The following NEK11 variants were observed in gnomAD, a reference collection of about 807,000 sequenced individuals.
The protein encoded by NEK11 is NIMA related kinase 11.
In NEK11, 72 loss-of-function variants were observed where a neutral mutation model predicts 80.7. The ratio of observed to expected loss-of-function variants is 0.89; its 90% CI spans 0.74 to 1.08. NEK11 has a LOEUF of 1.08. Ranked by LOEUF, NEK11 falls within the 50% of genes least tolerant of loss-of-function variation. NEK11 has a pLI of 0.00. For missense variants in NEK11, 764 were observed against 763.6 expected (o/e 1.00, Z -0.01); for synonymous variants, 251 against 260.7 (o/e 0.96, Z 0.36).
chr3:131,284,920 A>G (rs1266106653), intron 17 of NEK11, among the ~76,000 whole-genome samples: 1 of 152,138 alleles, frequency 6.6e-6, no homozygotes, highest in African/African-American at 2.4e-5. Flanking sequence ...CAGATGGCCT[A>G]TTGTGGAACT....
At chr3:131,318,341 GTTAA>G (rs59509323) in intron 17 of NEK11, among the ~76,000 whole-genome samples, 93 of 152,240 alleles carry the variant, frequency 6.1e-4, no homozygotes, top group African/African-American at 2.1e-3. Context: ...AGAAGAGAAT[GTTAA>G]TTAGTGTGAT....
chr3:131,333,299 T>C (rs1303732406), intron 17 of NEK11, among the ~76,000 whole-genome samples: 1 of 151,772 alleles, frequency 6.6e-6, no homozygotes, highest in East Asian at 1.9e-4. Context: ...CAGAAGAGAG[T>C]GGGGGCCAAT....
intron 7 of NEK11, among the ~76,000 whole-genome samples, chr3:131,144,805 G>A (rs187814482): frequency 1.9e-3 from 289 of 152,218 alleles, no homozygotes; most frequent in Middle Eastern, 6.8e-3. Context: ...GATAAATGAA[G>A]TCTTCTCTAC....
intron 17 of NEK11, among the ~76,000 whole-genome samples, chr3:131,314,855 CATT>C (rs1456729342): frequency 2.0e-4 from 30 of 152,324 alleles, no homozygotes; most frequent in African/African-American, 6.5e-4. Flanking sequence ...ATTATTCACT[CATT>C]ATTCAATGCC....
chr3:131,079,161 A>G (rs957206601), intron 3 of NEK11, among the ~76,000 whole-genome samples: 6 of 152,198 alleles, frequency 3.9e-5, no homozygotes, highest in Admixed American at 6.5e-5. Flanking sequence ...TAAATTTACA[A>G]TGATGAGCAT....
At chr3:131,122,255 A>G (rs2082511921) in intron 5 of NEK11, among the ~76,000 whole-genome samples, 1 of 152,138 alleles carries the variant, frequency 6.6e-6, no homozygotes, top group Admixed American at 6.5e-5. Flanking sequence ...CCAGATTTGA[A>G]GGTGGAAAAG....
chr3:131,156,947 C>CAA (rs749067690), intron 10 of NEK11, among the ~76,000 whole-genome samples: 20 of 108,130 alleles, frequency 1.8e-4, no homozygotes, highest in African/African-American at 4.4e-4. Context: ...GAGCATTCCA[C>CAA]AAAAAAAAAA....
intron 3 of NEK11, among the ~76,000 whole-genome samples, chr3:131,051,454 G>A (rs1440242607): frequency 6.6e-6 from 1 of 152,186 alleles, no homozygotes; most frequent in African/African-American, 2.4e-5. Flanking sequence ...ATCCCAAACT[G>A]TCAAACAAGT....
In NEK11 at chr3:131,240,845, T is replaced by A. The variant is rs574829938; in HGVS notation, c.1561-2591T>A. Among the ~76,000 whole-genome samples, 140 of 152,210 alleles carry A rather than the reference T, an allele frequency of 9.2e-4. 1 individual carries two copies. In the South Asian group the frequency reaches 0.018, roughly 20 times the overall value. The stretch of plus-strand genomic sequence containing the variant: ...CATCTGGATTATTTTGTCAAACAAC[T>A]GCCTGATAACTAAATGAAGATCTAC... On this transcript the variant is annotated intron_variant, in intron 15 of 17. Transcript: ENST00000383366.
chr3:131,230,673 C>T (rs904677635), intron 15 of NEK11, among the ~76,000 whole-genome samples: 2 of 152,038 alleles, frequency 1.3e-5, no homozygotes, highest in African/African-American at 4.8e-5. Context: ...AACATAAGGG[C>T]AGCAGTTTTG....
At chr3:131,282,632 C>T (rs548799132) in intron 17 of NEK11, among the ~76,000 whole-genome samples, 29 of 151,222 alleles carry the variant, frequency 1.9e-4, no homozygotes, top group African/African-American at 5.9e-4. Context: ...TGAGGTCAGA[C>T]CTCATAACTG....
At chr3:131,068,265 C>T (rs757955865) in intron 3 of NEK11, among the ~76,000 whole-genome samples, 9 of 152,162 alleles carry the variant, frequency 5.9e-5, no homozygotes, top group Non-Finnish European at 1.2e-4. Flanking sequence ...GGACAAGCAG[C>T]TGCAGCCATC....
chr3:131,168,458 G>T (rs1260452553), intron 12 of NEK11, among the ~76,000 whole-genome samples: 2 of 149,486 alleles, frequency 1.3e-5, no homozygotes, highest in Non-Finnish European at 3.0e-5. Flanking sequence ...CCGGGTTCAC[G>T]CCATTCTCCT....
chr3:131,184,198 G>A (rs1020050949), intron 14 of NEK11, among the ~76,000 whole-genome samples: 2 of 152,208 alleles, frequency 1.3e-5, no homozygotes, highest in African/African-American at 4.8e-5. Flanking sequence ...AGTACTCACA[G>A]TATAGGAATG....
In NEK11 at chr3:131,284,934, C is replaced by T. The variant is rs2096452646; in HGVS notation, c.1718+11360C>T. 3.3e-5 allele frequency among the ~76,000 whole-genome samples: 5 copies of T among 152,316 alleles called. No homozygotes were observed. The South Asian group carries it at 8.3e-4, about 25-fold the overall frequency. On this transcript the variant is annotated intron_variant, in intron 17 of 17. Transcript: ENST00000383366. Reference sequence around the variant, plus strand: ...CCAGATGGCCTATTGTGGAACTTCACCTTGTGACTGTGTAAGTCAATCCTC... The same window carrying T: ...CCAGATGGCCTATTGTGGAACTTCATCTTGTGACTGTGTAAGTCAATCCTC...
At chr3:131,276,697 T>C (rs1218670334) in intron 17 of NEK11, among the ~76,000 whole-genome samples, 2 of 152,094 alleles carry the variant, frequency 1.3e-5, no homozygotes, top group African/African-American at 4.8e-5. Context: ...TCTTCAACCC[T>C]AAATATTTAA....
chr3:131,169,259 T>C (rs1272883692), intron 13 of NEK11, among the ~76,000 whole-genome samples: 6 of 152,212 alleles, frequency 3.9e-5, no homozygotes, highest in Admixed American at 3.9e-4. Context: ...TGGGGCTCTG[T>C]TCTCTATTCC....
intron 3 of NEK11, among the ~76,000 whole-genome samples, chr3:131,037,541 C>A (rs1383891698): frequency 6.6e-6 from 1 of 152,190 alleles, no homozygotes; most frequent in Non-Finnish European, 1.5e-5. Flanking sequence ...CTTGGTCTCC[C>A]AAAGTGCTGG....
At chr3:131,148,288 G>A (rs2088815159) in intron 7 of NEK11, among the ~76,000 whole-genome samples, 1 of 151,538 alleles carries the variant, frequency 6.6e-6, no homozygotes. Flanking sequence ...TGTAAATTTG[G>A]GTTATTTGAA....
Sources: allele counts gnomAD v4.1 joint callset (sites outside exome capture counted in the v4.1 genomes callset), GRCh38; gene constraint gnomAD v4.1.1; transcripts MANE v1.5; gene names NCBI Gene and HGNC (gene_info 2026-07-23, HGNC 2026-07-21).